OXNAD1: variants seen among roughly 807,000 people sequenced by gnomAD.
The protein encoded by OXNAD1 is oxidoreductase NAD binding domain containing 1.
In OXNAD1, 34 loss-of-function variants were observed where a neutral mutation model predicts 32.9. The ratio of observed to expected loss-of-function variants is 1.03; its 90% CI spans 0.79 to 1.38. The LOEUF is 1.38. Among genes scored for constraint, OXNAD1 ranks in the 40% most tolerant of loss-of-function variants. OXNAD1 has a pLI of 0.00. For missense variants in OXNAD1, 407 were observed against 379.4 expected, an observed-to-expected ratio of 1.07 and a Z score of -0.60; for synonymous variants, 134 against 135.2, an observed-to-expected ratio of 0.99 and a Z score of 0.06.
At chr3:16,323,979 C>T (rs2459641) in intron 9 of OXNAD1, among the ~76,000 whole-genome samples, 2 of 152,000 alleles carry the variant, frequency 1.3e-5, no homozygotes, top group South Asian at 2.1e-4. Flanking sequence ...GCCTGTTAAC[C>T]AGCTCTGGCT....
chr3:16,293,954 A>C (rs1483242610), intron 5 of OXNAD1, among the ~76,000 whole-genome samples: 1 of 152,082 alleles, frequency 6.6e-6, no homozygotes, highest in Admixed American at 6.5e-5. Context: ...GGTGTATTAC[A>C]TTTATTTATT....
rs902033533 is a variant in OXNAD1 at position 16,290,544 on chromosome 3, T to C, written c.290+4096T>C. ...TGAAGCAGCAAAAGTAGCTTATTAATGTATTTATTTTTTAAACATGGAAAT... is the reference window on the plus strand; with the variant it reads ...TGAAGCAGCAAAAGTAGCTTATTAACGTATTTATTTTTTAAACATGGAAAT... On this transcript the variant is annotated intron_variant, in intron 5 of 8. Transcript: ENST00000285083. The surrounding 1 kb of genome is among the most constrained non-coding windows in gnomAD (Gnocchi z 4.2). Among the ~76,000 whole-genome samples the C allele has an allele frequency of 2.0e-5, 3 of 152,230 alleles. 1 individual carries two copies. Among genetic ancestry groups the C allele is most frequent in the Non-Finnish European group, 2.9e-5 (2 of 68,048 alleles).
Position 16,271,013 on chromosome 3 carries a change from A to G in OXNAD1, c.61A>G (p.Ile21Val), listed in dbSNP as rs2064890573. The change falls in exon 3 of 9, where the codon ATT (isoleucine) becomes GTT (valine). Residue 21 changes from isoleucine to valine, a missense_variant. Coordinates refer to ENST00000285083, the MANE Select transcript of OXNAD1 (RefSeq NM_138381.5). The surrounding 1 kb of genome is among the most constrained non-coding windows in gnomAD (Gnocchi z 4.6). Reference protein sequence around the residue: ...LLRCSVGAIRIEAASLRLTLS... With the variant: ...LLRCSVGAIRVEAASLRLTLS... ...GCGGTGCTCTGTTGGAGCCATCCGT[A>G]TTGAGGCTGCGTCACTGAGATTGAC... The G allele has an allele frequency of 6.2e-7, 1 of 1,614,056 alleles. No homozygotes were observed. The highest frequency in any genetic ancestry group is 1.3e-5 in the African/African-American group (1 of 74,920).
chr3:16,306,511 C>T (rs1277084038), downstream of OXNAD1, among the ~76,000 whole-genome samples: 2 of 151,900 alleles, frequency 1.3e-5, no homozygotes, highest in Non-Finnish European at 2.9e-5. Context: ...CTCATGGCCT[C>T]AAAAGTCCGA....
chr3:16,281,136 C>T (rs973324113), intron 4 of OXNAD1, among the ~76,000 whole-genome samples: 4 of 152,124 alleles, frequency 2.6e-5, no homozygotes, highest in African/African-American at 9.7e-5. Context: ...ATGTGGTCTT[C>T]AAAAAGATTT....
intron 9 of OXNAD1, among the ~76,000 whole-genome samples, chr3:16,343,581 ACT>A (rs1363894299): frequency 6.6e-6 from 1 of 152,010 alleles, no homozygotes; most frequent in African/African-American, 2.4e-5. Context: ...GGAACCTAAG[ACT>A]CTAAGTCAGC....
chr3:16,293,953 C>A (rs1438117340), intron 5 of OXNAD1, among the ~76,000 whole-genome samples: 2 of 152,072 alleles, frequency 1.3e-5, no homozygotes, highest in Non-Finnish European at 2.9e-5. Flanking sequence ...TGGTGTATTA[C>A]ATTTATTTAT....
chr3:16,318,216 C>G (rs1033147111), intron 9 of OXNAD1, among the ~76,000 whole-genome samples: 3 of 152,140 alleles, frequency 2.0e-5, no homozygotes, highest in Non-Finnish European at 4.4e-5. Flanking sequence ...ATCTGAATTT[C>G]TCATCTCGGT....
At chr3:16,307,866 G>A (rs1301449436), downstream of OXNAD1, among the ~76,000 whole-genome samples, 1 of 152,152 alleles carries the variant, frequency 6.6e-6, no homozygotes, top group Non-Finnish European at 1.5e-5. Flanking sequence ...ACTAGGGAAT[G>A]AACAGTACAG....
intron 5 of OXNAD1, among the ~76,000 whole-genome samples, chr3:16,294,081 G>C (rs920788189): frequency 1.3e-5 from 2 of 152,014 alleles, no homozygotes; most frequent in African/African-American, 4.8e-5. Context: ...GGGTAATACT[G>C]GCCTCATAAA....
At chr3:16,315,012 C>T (rs1199300898) in intron 9 of OXNAD1, 1 of 152,214 alleles carries the variant, frequency 6.6e-6, no homozygotes, top group Non-Finnish European at 1.5e-5. Context: ...CCTCTTTAAG[C>T]TCTGAGGGTT....
At chr3:16,269,820 A>G (rs2064800960) in intron 2 of OXNAD1, among the ~76,000 whole-genome samples, 1 of 152,162 alleles carries the variant, frequency 6.6e-6, no homozygotes. Flanking sequence ...AAAAGCTCAG[A>G]AAAAAAAGTA....
chr3:16,312,908 TGATA>T lies in OXNAD1; in HGVS notation c.*30+9317_*30+9320del, dbSNP rs1362530703. Reference sequence around the variant, plus strand: ...TACCTTTTTGTTACTTATAAACCATTGATAAATAATTTAAGACTTTATAAATATT... The same window carrying T: ...TACCTTTTTGTTACTTATAAACCATTAATAATTTAAGACTTTATAAATATT... On this transcript the variant is annotated intron_variant, in intron 9 of 9. Transcript: ENST00000435829. This position sits in a 1 kb window ranked among gnomAD's most constrained non-coding sequence, Gnocchi z 4.7. Among the ~76,000 whole-genome samples the T allele has an allele frequency of 1.3e-5, 2 of 152,238 alleles. No homozygotes were observed. The highest frequency in any genetic ancestry group is 2.9e-5 in the Non-Finnish European group (2 of 68,038).
At chr3:16,308,863 T>C (rs2125118444), downstream of OXNAD1, among the ~76,000 whole-genome samples, 1 of 152,326 alleles carries the variant, frequency 6.6e-6, no homozygotes, top group Admixed American at 6.5e-5. This position sits in a 1 kb window ranked among gnomAD's most constrained non-coding sequence, Gnocchi z 4.4. Flanking sequence ...TATTTGAGCA[T>C]AACAAGATTT....
chr3:16,340,842 A>G (rs1486725469), downstream of OXNAD1, among the ~76,000 whole-genome samples: 1 of 152,238 alleles, frequency 6.6e-6, no homozygotes, highest in Non-Finnish European at 1.5e-5. Context: ...AGTTTCAAAA[A>G]GTAAGGCCCT....
downstream of OXNAD1, among the ~76,000 whole-genome samples, chr3:16,308,374 G>T: frequency 6.6e-6 from 1 of 152,206 alleles, no homozygotes; most frequent in Non-Finnish European, 1.5e-5. The surrounding 1 kb of genome is among the most constrained non-coding windows in gnomAD (Gnocchi z 4.4). Flanking sequence ...TAGGAGGATT[G>T]TTATATGGGA....
intron 9 of OXNAD1, among the ~76,000 whole-genome samples, chr3:16,328,730 G>A (rs1243619349): frequency 6.6e-6 from 1 of 152,182 alleles, no homozygotes; most frequent in Non-Finnish European, 1.5e-5. Flanking sequence ...CCCGGAATCT[G>A]TGTTTTAAAA....
chr3:16,326,313 C>G (rs981147275), intron 9 of OXNAD1, among the ~76,000 whole-genome samples: 1 of 152,234 alleles, frequency 6.6e-6, no homozygotes. Flanking sequence ...TGATCTTGGC[C>G]AAGTCCCTCA....
intron 6 of OXNAD1, among the ~76,000 whole-genome samples, chr3:16,300,392 T>C (rs973777569): frequency 5.3e-5 from 8 of 152,354 alleles, no homozygotes; most frequent in Non-Finnish European, 4.4e-5. Context: ...CAAATGCAGA[T>C]GATAAAGATG....
Sources: gnomAD v4.1 joint callset for allele counts (sites outside exome capture counted in the v4.1 genomes callset) on GRCh38, gnomAD v4.1.1 for gene constraint, Gnocchi (gnomAD v3.1) non-coding constraint, MANE v1.5 for transcripts, NCBI Gene and HGNC (gene_info 2026-07-23, HGNC 2026-07-21) for gene names.